The following ADGB variants were observed in gnomAD, a reference collection of about 807,000 sequenced individuals.
ADGB encodes androglobin, also known as calpain-7-like protein.
In ADGB, 172 loss-of-function variants were observed where a neutral mutation model predicts 210.5. That is an observed-to-expected ratio of 0.82 (90% confidence interval 0.72 to 0.93). ADGB has a LOEUF of 0.93. ADGB is among the 40% of genes least tolerant of loss of function. The pLI is 0.00. For missense variants in ADGB, 2,025 were observed against 1,964.8 expected (o/e 1.03, Z -0.58); for synonymous variants, 658 against 662.7 (o/e 0.99, Z 0.11).
In ADGB at chr6:146,811,441, T is replaced by A. The variant is rs370936590; in HGVS notation, c.4819-3591T>A. On this transcript the variant is annotated intron_variant, in intron 35 of 35. Coordinates refer to ENST00000397944, the MANE Select transcript of ADGB (RefSeq NM_024694.4). ...TACATGTATGTGTGTCTTTGTGTGTTTATATATATATATATTCAGGATATT... is the reference window on the plus strand; with the variant it reads ...TACATGTATGTGTGTCTTTGTGTGTATATATATATATATATTCAGGATATT... 2.0e-5 allele frequency among the ~76,000 whole-genome samples: 3 copies of A among 150,104 alleles called. No individual in the cohort carries two copies. The East Asian group carries it at 5.9e-4, about 29-fold the overall frequency.
At chr6:146,712,911 TC>T (rs752182561) in intron 13 of ADGB, among the ~76,000 whole-genome samples, 108 of 152,114 alleles carry the variant, frequency 7.1e-4, no homozygotes, top group Non-Finnish European at 1.1e-3. Flanking sequence ...CTTCTGATTC[TC>T]CCCTCCCCCC....
At chr6:146,691,496 A>ATTTT (rs1228357224) in intron 11 of ADGB, among the ~76,000 whole-genome samples, 27 of 16,468 alleles carry the variant, frequency 1.6e-3, no homozygotes, top group Non-Finnish European at 2.1e-3. Context: ...ATATATATAT[A>ATTTT]TATATTTTTT....
chr6:146,639,191 C>G (rs1467750707), intron 2 of ADGB: 1 of 153,332 alleles, frequency 6.5e-6, no homozygotes, highest in African/African-American at 2.4e-5. Flanking sequence ...CAGGATTGTC[C>G]TTCTTGAACA....
intron 4 of ADGB, 115 bp from the exon 5 acceptor site, chr6:146,656,656 A>T: frequency 1.4e-6 from 1 of 698,310 alleles, no homozygotes; most frequent in Non-Finnish European, 2.3e-6. Context: ...GGAATACATT[A>T]CATGTATAAT....
At chr6:146,801,495 GA>G (rs1332722110) in intron 34 of ADGB, among the ~76,000 whole-genome samples, 1 of 152,072 alleles carries the variant, frequency 6.6e-6, no homozygotes, top group African/African-American at 2.4e-5. Context: ...TTATAAGTTT[GA>G]AAACATCATC....
At chr6:146,788,238 G>A (rs1189996528) in intron 32 of ADGB, 151 bp from the exon 33 acceptor site, 3 of 711,378 alleles carry the variant, frequency 4.2e-6, no homozygotes, top group Non-Finnish European at 7.1e-6. Context: ...TAGGGTGACA[G>A]TCATTACTTT....
chr6:146,638,604 T>TGG (rs1275956143), intron 2 of ADGB, among the ~76,000 whole-genome samples: 1 of 2,102 alleles, frequency 4.8e-4, no homozygotes, highest in African/African-American at 6.2e-3. Flanking sequence ...GGGCCTGTTG[T>TGG]GGGGTGGGGG....
At chr6:146,747,171 C>T (rs1242177441) in intron 26 of ADGB, among the ~76,000 whole-genome samples, 1 of 152,100 alleles carries the variant, frequency 6.6e-6, no homozygotes, top group African/African-American at 2.4e-5. Context: ...CATAATTGGC[C>T]TCCATTAACA....
intron 12 of ADGB, among the ~76,000 whole-genome samples, chr6:146,693,748 C>T (rs181461491): frequency 8.5e-5 from 13 of 152,186 alleles, no homozygotes; most frequent in Admixed American, 3.9e-4. Context: ...GAAGCCACGC[C>T]GCACTTTCAA....
chr6:146,729,432 G>A (rs990354059), intron 20 of ADGB, among the ~76,000 whole-genome samples: 1 of 152,064 alleles, frequency 6.6e-6, no homozygotes, highest in Non-Finnish European at 1.5e-5. Flanking sequence ...TTTATTTGAT[G>A]GGAGACTTTC....
At chr6:146,787,859 T>G (rs1329041869) in intron 32 of ADGB, among the ~76,000 whole-genome samples, 1 of 152,192 alleles carries the variant, frequency 6.6e-6, no homozygotes, top group Non-Finnish European at 1.5e-5. Flanking sequence ...GAAATTATGG[T>G]AGGTTTTACA....
rs371045377 is a variant in ADGB, at chr6:146,807,495, C to T, written c.4818+5484C>T. 1.7e-4 allele frequency: 257 copies of T among 1,551,564 alleles called. No individual in the cohort carries two copies. The African/African-American group carries it at 3.0e-3, about 18-fold the overall frequency. On this transcript the variant is annotated intron_variant, in intron 35 of 35. Transcript: ENST00000397944. The stretch of plus-strand genomic sequence containing the variant: ...AGCTGAGCACCTAAAGCTGGAAGCT[C>T]TCTCTGCTCAGGAAGCCGCCATGAA...
At chr6:146,640,444 CAG>C (rs1406874885) in intron 2 of ADGB, among the ~76,000 whole-genome samples, 13 of 151,932 alleles carry the variant, frequency 8.6e-5, no homozygotes, top group African/African-American at 3.1e-4. Context: ...CAAAACCTGG[CAG>C]AGACACAGCA....
chr6:146,675,167 A>G (rs915150025), intron 8 of ADGB, among the ~76,000 whole-genome samples: 2 of 152,050 alleles, frequency 1.3e-5, no homozygotes, highest in African/African-American at 4.8e-5. Context: ...AAAAGCTAAG[A>G]TATGGGCCGG....
At chr6:146,800,810 A>C (rs1778118984) in intron 33 of ADGB, among the ~76,000 whole-genome samples, 1 of 152,216 alleles carries the variant, frequency 6.6e-6, no homozygotes, top group Non-Finnish European at 1.5e-5. Flanking sequence ...ATTTGGGCAA[A>C]GCCCAATCTC....
chr6:146,712,413 C>T lies in ADGB; in HGVS notation c.1708-2969C>T, dbSNP rs545053197. The stretch of plus-strand genomic sequence containing the variant: ...TGTTGGCCAGGCCGGTCTTAAACTC[C>T]TAACCTCAGGTGATCCACCCACCTC... On this transcript the variant is annotated intron_variant, in intron 13 of 35. Coordinates refer to ENST00000397944, the MANE Select transcript of ADGB (RefSeq NM_024694.4). 7.9e-5 allele frequency among the ~76,000 whole-genome samples: 12 copies of T among 152,186 alleles called. No homozygotes were observed. In the South Asian group the frequency reaches 2.5e-3, roughly 32 times the overall value.
At chr6:146,599,494 C>G (rs1482773303) in intron 1 of ADGB, among the ~76,000 whole-genome samples, 1 of 152,180 alleles carries the variant, frequency 6.6e-6, no homozygotes, top group Non-Finnish European at 1.5e-5. Context: ...ATGATACAGA[C>G]AGCGAGTGAC....
intron 27 of ADGB, among the ~76,000 whole-genome samples, chr6:146,758,344 G>A (rs1583625285): frequency 6.6e-6 from 1 of 152,048 alleles, no homozygotes; most frequent in East Asian, 1.9e-4. Flanking sequence ...GGGCACTTTT[G>A]TGCAGCTCTC....
At chr6:146,679,601 C>G (rs1776130300) in intron 9 of ADGB, among the ~76,000 whole-genome samples, 1 of 152,212 alleles carries the variant, frequency 6.6e-6, no homozygotes, top group African/African-American at 2.4e-5. Flanking sequence ...TGATTCTGCT[C>G]TCTTGGAGGA....
Sources: gnomAD v4.1 joint callset for allele counts (sites outside exome capture counted in the v4.1 genomes callset) on GRCh38, gnomAD v4.1.1 for gene constraint, MANE v1.5 for transcripts, NCBI Gene and HGNC (gene_info 2026-07-23, HGNC 2026-07-21) for gene names.